Variants in CDH2 observed in about 807,000 individuals in gnomAD.
CDH2 encodes cadherin 2.
In CDH2, 17 loss-of-function variants were observed where a neutral mutation model predicts 92.0. The observed-to-expected ratio is 0.18, with a 90% CI of 0.13 to 0.28. CDH2 has a LOEUF of 0.28. Among genes scored for constraint, CDH2 ranks in the 10% least tolerant of loss-of-function variants. The probability of loss-of-function intolerance (pLI) is 1.00; values close to 1 mark genes in which losing one functional copy is unlikely to be tolerated. For synonymous variants in CDH2, 419 were observed against 415.9 expected (o/e 1.01, Z -0.09); for missense variants, 862 against 1,133.1 (o/e 0.76, Z 3.44).
intron 2 of CDH2, among the ~76,000 whole-genome samples, chr18:28,077,890 C>CAAAAAAAAAAA (rs71171659): frequency 3.0e-5 from 2 of 67,314 alleles, no homozygotes; most frequent in African/African-American, 5.9e-5. Context: ...GACCCTGTCT[C>CAAAAAAAAAAA]AAAAAAAAAA....
chr18:28,135,580 C>T (rs748241136), intron 2 of CDH2, among the ~76,000 whole-genome samples: 8 of 152,198 alleles, frequency 5.3e-5, no homozygotes, highest in Admixed American at 1.3e-4. Context: ...CCATAAGGGA[C>T]AATTTTCCTA....
intron 1 of CDH2, among the ~76,000 whole-genome samples, chr18:28,169,525 G>C (rs963923897): frequency 6.6e-6 from 1 of 152,056 alleles, no homozygotes. Context: ...CAAACATTAA[G>C]TAACATATCA....
chr18:28,134,845 T>C (rs2015834797), intron 2 of CDH2, among the ~76,000 whole-genome samples: 1 of 152,162 alleles, frequency 6.6e-6, no homozygotes, highest in African/African-American at 2.4e-5. Flanking sequence ...AAAATTGATG[T>C]GTACCCTGAC....
intron 1 of CDH2, among the ~76,000 whole-genome samples, chr18:28,151,544 C>T (rs1022330062): frequency 1.1e-4 from 16 of 152,140 alleles, no homozygotes; most frequent in Admixed American, 1.0e-3. Context: ...CCCATTAACA[C>T]TGCTATCGGT....
At chr18:28,170,602 C>T (rs1223914456) in intron 1 of CDH2, among the ~76,000 whole-genome samples, 1 of 152,140 alleles carries the variant, frequency 6.6e-6, no homozygotes, top group Non-Finnish European at 1.5e-5. Flanking sequence ...GCCTTGGCCT[C>T]CCAAAGTGCT....
chr18:27,948,666 G>A (rs565673827), downstream of CDH2, among the ~76,000 whole-genome samples: 26 of 151,934 alleles, frequency 1.7e-4, 1 homozygote, highest in South Asian at 3.3e-3. Flanking sequence ...ATGAGCATAA[G>A]AAAAAAATCT....
At chr18:28,162,323 T>C (rs976001513) in intron 1 of CDH2, among the ~76,000 whole-genome samples, 1 of 152,078 alleles carries the variant, frequency 6.6e-6, no homozygotes, top group Non-Finnish European at 1.5e-5. Flanking sequence ...CTCATGTACT[T>C]AGGGGAGCAC....
At chr18:27,948,835 T>A (rs992359429), downstream of CDH2, among the ~76,000 whole-genome samples, 41 of 152,080 alleles carry the variant, frequency 2.7e-4, no homozygotes, top group African/African-American at 9.4e-4. Context: ...GAGTGTACAT[T>A]GGCATAGTTT....
chr18:28,001,860 T>C (rs2012777081), intron 7 of CDH2, among the ~76,000 whole-genome samples: 2 of 152,260 alleles, frequency 1.3e-5, no homozygotes, highest in Non-Finnish European at 2.9e-5. Context: ...TGAATGCTTC[T>C]ATAGCAAATA....
intron 2 of CDH2, among the ~76,000 whole-genome samples, chr18:28,041,147 T>C (rs1020786818): frequency 6.6e-6 from 1 of 152,128 alleles, no homozygotes; most frequent in Non-Finnish European, 1.5e-5. Context: ...AGTAACTTTA[T>C]GAAAAAAATG....
rs748210936 is a variant in CDH2 at position 27,992,676 on chromosome 18, G to A, written c.1323C>T (p.Asp441=). 2.2e-5 allele frequency: 35 copies of A among 1,613,138 alleles called. No individual in the cohort carries two copies. The highest frequency in any genetic ancestry group is 2.2e-4 in the Admixed American group (13 of 59,956). The part of the protein sequence containing the change: ...FAIQTDPNSN[D]GLVTVVKPID... ...TTACTTTGACCACGGTGACTAACCC[G>A]TCGTTGCTGTTTGGGTCGGTCTGGA... Residue 441 remains aspartate, a synonymous_variant, in exon 9 of 16, where the codon GAC becomes GAT. Coordinates refer to ENST00000269141, the MANE Select transcript of CDH2 (RefSeq NM_001792.5).
chr18:28,101,594 T>A (rs535761508), intron 2 of CDH2, among the ~76,000 whole-genome samples: 1 of 152,300 alleles, frequency 6.6e-6, no homozygotes, highest in Admixed American at 6.5e-5. Context: ...CAAGCTTATT[T>A]CATACCTATG....
At chr18:28,107,354 G>T (rs2015338714) in intron 2 of CDH2, among the ~76,000 whole-genome samples, 1 of 151,966 alleles carries the variant, frequency 6.6e-6, no homozygotes, top group South Asian at 2.1e-4. Flanking sequence ...AAATTAGTTG[G>T]TGTGACCACA....
At chr18:28,050,374 T>G (rs2014166739) in intron 2 of CDH2, among the ~76,000 whole-genome samples, 1 of 152,204 alleles carries the variant, frequency 6.6e-6, no homozygotes, top group South Asian at 2.1e-4. Context: ...TTCTGACTCT[T>G]CTACACCCAC....
Position 27,983,054 on chromosome 18 carries a change from T to C in CDH2, c.2239A>G (p.Lys747Glu), listed in dbSNP as rs1377836480. ...ILVLMFVVWM[K>E]RRDKERQAKQ... is the part of the protein sequence containing the mutation. ...GCCTGGCGTTCTTTATCCCGGCGTT[T>C]CATCCATACCACAAACATCAGCACA... Residue 747 changes from lysine to glutamate, a missense_variant, in exon 14 of 16, where the codon AAA becomes GAA. Around this residue, in one of 5 missense-constraint regions of CDH2, gnomAD observed 564 missense variants for 722.2 expected, o/e 0.78. Transcript: ENST00000269141. 1 of 1,613,076 alleles carries C rather than the reference T, an allele frequency of 6.2e-7. No individual in the cohort carries two copies. Among genetic ancestry groups the C allele is most frequent in the Non-Finnish European group, 8.5e-7 (1 of 1,179,360 alleles).
At chr18:28,089,239 A>G (rs919788137) in intron 2 of CDH2, among the ~76,000 whole-genome samples, 1 of 152,200 alleles carries the variant, frequency 6.6e-6, no homozygotes, top group Non-Finnish European at 1.5e-5. Context: ...AGATGAGGAC[A>G]CCATCAAATG....
chr18:28,125,376 G>A (rs2015659664), intron 2 of CDH2, among the ~76,000 whole-genome samples: 1 of 152,044 alleles, frequency 6.6e-6, no homozygotes, highest in Admixed American at 6.6e-5. Flanking sequence ...ATATCTGCTG[G>A]CAGTGATTCC....
chr18:28,067,840 G>T (rs555142263), intron 2 of CDH2, among the ~76,000 whole-genome samples: 29 of 152,080 alleles, frequency 1.9e-4, no homozygotes, highest in African/African-American at 6.7e-4. Flanking sequence ...CTTAAGTAAG[G>T]TATATCATCT....
intron 2 of CDH2, among the ~76,000 whole-genome samples, chr18:28,063,970 A>G (rs1046272332): frequency 1.3e-5 from 2 of 152,230 alleles, no homozygotes; most frequent in Admixed American, 1.3e-4. Context: ...TTCTACCTTT[A>G]AGATCGACTT....
Sources: allele counts gnomAD v4.1 joint callset (sites outside exome capture counted in the v4.1 genomes callset), GRCh38; gene constraint gnomAD v4.1.1; regional missense constraint gnomAD v4.1.1; transcripts MANE v1.5; gene names NCBI Gene and HGNC (gene_info 2026-07-23, HGNC 2026-07-21).